EVA1A: variants seen among roughly 807,000 people sequenced by gnomAD.
The protein encoded by EVA1A is protein eva-1 homolog A.
EVA1A carries 7 observed loss-of-function variants against 9.8 expected under a neutral mutation model. The observed-to-expected ratio is 0.71, with a 90% CI of 0.41 to 1.34. The LOEUF is 1.34. Among genes scored for constraint, EVA1A ranks in the 40% most tolerant of loss-of-function variants. The pLI is 0.01. For synonymous variants in EVA1A, 90 were observed against 85.6 expected, an observed-to-expected ratio of 1.05 and a Z score of -0.28; for missense variants, 206 against 205.9, an observed-to-expected ratio of 1.00 and a Z score of 0.00.
At chr2:75,517,754 C>T (rs964899810) in intron 3 of EVA1A, 1 of 715,616 alleles carries the variant, frequency 1.4e-6, no homozygotes, top group African/African-American at 1.7e-5. Flanking sequence ...CCTCCTTGGT[C>T]AGAGTTAATG....
rs1192467789 is a variant in EVA1A, at chr2:75,493,089, T to C, written c.*147A>G. 4.7e-5 allele frequency: 57 copies of C among 1,202,764 alleles called. No individual in the cohort carries two copies. The highest frequency in any genetic ancestry group is 6.1e-5 in the Non-Finnish European group (53 of 864,572). 74.5% of individuals were successfully genotyped at this position (1,202,764 alleles called of 1,614,324 possible). A position where few individuals can be genotyped will look rare whatever the true frequency, so the allele number is the denominator to read the frequency against. Reference sequence around the variant, plus strand: ...CATACATTTGGCCAAAAAGGAGCAATCCTCCTGGCTAGAAAAGGGGCATGT... The same window carrying C: ...CATACATTTGGCCAAAAAGGAGCAACCCTCCTGGCTAGAAAAGGGGCATGT... On this transcript the variant is annotated 3_prime_UTR_variant, in exon 4 of 4. Transcript: ENST00000393913.
intron 1 of EVA1A, among the ~76,000 whole-genome samples, chr2:75,524,654 T>C (rs1026553120): frequency 3.9e-5 from 6 of 152,178 alleles, no homozygotes; most frequent in Admixed American, 3.3e-4. Flanking sequence ...CACTTTCTCA[T>C]TCTTCAATCT....
intron 2 of EVA1A, chr2:75,518,882 T>C (rs1675134298): frequency 1.0e-6 from 1 of 985,182 alleles, no homozygotes; most frequent in Non-Finnish European, 1.2e-6. Context: ...ATCCCAGAAC[T>C]GCCAAAGCAG....
intron 3 of EVA1A, among the ~76,000 whole-genome samples, chr2:75,508,546 T>C (rs1674699240): frequency 6.6e-6 from 1 of 152,162 alleles, no homozygotes; most frequent in Admixed American, 6.5e-5. Context: ...ATGTTATCAA[T>C]GACAATGGTA....
At chr2:75,504,743 G>A (rs1674549323) in intron 3 of EVA1A, among the ~76,000 whole-genome samples, 1 of 149,538 alleles carries the variant, frequency 6.7e-6, no homozygotes, top group Non-Finnish European at 1.5e-5. Flanking sequence ...TCATAAGTGG[G>A]AGTGGAACAA....
chr2:75,535,741 A>C, intron 1 of EVA1A, among the ~76,000 whole-genome samples: 1 of 152,176 alleles, frequency 6.6e-6, no homozygotes, highest in Non-Finnish European at 1.5e-5. Flanking sequence ...TGGGTACACA[A>C]AGGCATACAG....
At chr2:75,549,639 A>G (rs2103964664) in intron 1 of EVA1A, among the ~76,000 whole-genome samples, 1 of 152,304 alleles carries the variant, frequency 6.6e-6, no homozygotes, top group East Asian at 1.9e-4. Flanking sequence ...CAAGCTGGAA[A>G]TGTGACTCTT....
chr2:75,504,436 A>G (rs1558672246), intron 3 of EVA1A, among the ~76,000 whole-genome samples: 2 of 152,158 alleles, frequency 1.3e-5, no homozygotes, highest in Admixed American at 6.5e-5. Context: ...CAAACAAACA[A>G]AATATCTTTA....
At chr2:75,509,353 C>T (rs894987025) in intron 3 of EVA1A, among the ~76,000 whole-genome samples, 18 of 152,068 alleles carry the variant, frequency 1.2e-4, no homozygotes, top group Non-Finnish European at 1.8e-4. Flanking sequence ...AAAAGATACC[C>T]GCTACTTAAT....
At chr2:75,500,730 C>T (rs1024580333) in intron 3 of EVA1A, among the ~76,000 whole-genome samples, 1 of 151,586 alleles carries the variant, frequency 6.6e-6, no homozygotes, top group African/African-American at 2.4e-5. Flanking sequence ...CTCTCCCTTC[C>T]TCCCTCCCTC....
chr2:75,498,604 A>C (rs763025940), intron 3 of EVA1A, among the ~76,000 whole-genome samples: 1 of 152,172 alleles, frequency 6.6e-6, no homozygotes, highest in Non-Finnish European at 1.5e-5. Flanking sequence ...ATGTGTATTA[A>C]TTTTTTTAAA....
At chr2:75,547,742 G>T (rs1341239324) in intron 1 of EVA1A, among the ~76,000 whole-genome samples, 1 of 152,062 alleles carries the variant, frequency 6.6e-6, no homozygotes, top group Non-Finnish European at 1.5e-5. Context: ...CTCCTAACTG[G>T]CTCCCTACCT....
chr2:75,566,661 G>C (rs1157008753), intron 1 of EVA1A, among the ~76,000 whole-genome samples: 1 of 152,186 alleles, frequency 6.6e-6, no homozygotes, highest in East Asian at 1.9e-4. Flanking sequence ...CAGAAGAATA[G>C]AGATTTAAAT....
intron 2 of EVA1A, chr2:75,518,938 C>T (rs907823708): frequency 7.9e-6 from 7 of 884,320 alleles, no homozygotes; most frequent in Non-Finnish European, 9.5e-6. Context: ...TCGAGCTGCT[C>T]CCTGCCTCTA....
chr2:75,544,507 G>A lies in EVA1A; in HGVS notation c.-192+16173C>T, dbSNP rs114618596. 1.6e-3 allele frequency among the ~76,000 whole-genome samples: 243 copies of A among 152,190 alleles called. 2 individuals carry two copies. The highest frequency in any genetic ancestry group is 6.8e-3 in the Middle Eastern group (2 of 294). On this transcript the variant is annotated intron_variant, in intron 1 of 3. Transcript: ENST00000393913. Reference sequence around the variant, plus strand: ...TACTGCTTCTCTTGTGGCCGATAGCGTCCATGATGAAACTGACAACTGAAG... The same window carrying A: ...TACTGCTTCTCTTGTGGCCGATAGCATCCATGATGAAACTGACAACTGAAG...
intron 1 of EVA1A, among the ~76,000 whole-genome samples, chr2:75,532,078 T>C (rs916334175): frequency 7.1e-5 from 10 of 141,550 alleles, no homozygotes; most frequent in Admixed American, 1.6e-4. Context: ...GAGAATGGCA[T>C]GAACCCAGGA....
intron 3 of EVA1A, among the ~76,000 whole-genome samples, chr2:75,496,559 A>G (rs189268236): frequency 4.2e-4 from 64 of 152,328 alleles, no homozygotes; most frequent in South Asian, 3.9e-3. Context: ...AAAATACTCC[A>G]TGCTCATGGA....
intron 3 of EVA1A, among the ~76,000 whole-genome samples, chr2:75,511,170 G>A (rs1026132228): frequency 6.6e-6 from 1 of 152,020 alleles, no homozygotes; most frequent in Non-Finnish European, 1.5e-5. Context: ...ACTGCTGCAG[G>A]GGCTTCTCAT....
chr2:75,538,653 T>C (rs1676004006), intron 1 of EVA1A, among the ~76,000 whole-genome samples: 1 of 152,202 alleles, frequency 6.6e-6, no homozygotes, highest in Non-Finnish European at 1.5e-5. Flanking sequence ...GTAATACTAC[T>C]CAGCAACAAA....
Sources: gnomAD v4.1 joint callset for allele counts (sites outside exome capture counted in the v4.1 genomes callset) on GRCh38, gnomAD v4.1.1 for gene constraint, MANE v1.5 for transcripts, NCBI Gene and HGNC (gene_info 2026-07-23, HGNC 2026-07-21) for gene names.